ASAP1: variants seen among roughly 807,000 people sequenced by gnomAD.
ASAP1 encodes the protein arf-GAP with SH3 domain, ANK repeat and PH domain-containing protein 1.
A neutral mutation model predicts 145.2 loss-of-function variants in ASAP1; 43 were observed. That is an observed-to-expected ratio of 0.30 (90% CI 0.23 to 0.38). The LOEUF (loss-of-function observed/expected upper bound fraction) is 0.38. Ranked by LOEUF, ASAP1 falls within the 10% of genes least tolerant of loss-of-function variation. The probability of loss-of-function intolerance (pLI) is 1.00; values close to 1 mark genes in which losing one functional copy is unlikely to be tolerated. For synonymous variants in ASAP1, 546 were observed against 515.5 expected (o/e 1.06, Z -0.80); for missense variants, 1,018 against 1,355.3 (o/e 0.75, Z 3.91).
intron 4 of ASAP1, among the ~76,000 whole-genome samples, chr8:130,227,061 G>A (rs1172301522): frequency 1.3e-5 from 2 of 152,096 alleles, no homozygotes; most frequent in African/African-American, 2.4e-5. Flanking sequence ...CCTACAATGG[G>A]ATACAAAGGT....
intron 3 of ASAP1, among the ~76,000 whole-genome samples, chr8:130,306,297 C>T (rs901751881): frequency 3.9e-5 from 6 of 152,186 alleles, no homozygotes; most frequent in Non-Finnish European, 8.8e-5. Context: ...GTCATTCACT[C>T]ACTCAAATAT....
At chr8:130,199,348 G>T (rs1191549808) in intron 5 of ASAP1, among the ~76,000 whole-genome samples, 1 of 152,172 alleles carries the variant, frequency 6.6e-6, no homozygotes, top group Non-Finnish European at 1.5e-5. Flanking sequence ...AAATCAGAAG[G>T]ACTGCTCTGA....
At chr8:130,217,675 C>T (rs113375342) in intron 4 of ASAP1, among the ~76,000 whole-genome samples, 15 of 152,060 alleles carry the variant, frequency 9.9e-5, no homozygotes, top group African/African-American at 1.7e-4. Flanking sequence ...TTCAAAGCTG[C>T]GGCTTGGTTA....
intron 15 of ASAP1, among the ~76,000 whole-genome samples, chr8:130,132,391 C>T (rs2097584521): frequency 6.7e-6 from 1 of 149,458 alleles, no homozygotes; most frequent in Admixed American, 6.6e-5. Flanking sequence ...AACTCTATAC[C>T]CATAACAACA....
intron 7 of ASAP1, among the ~76,000 whole-genome samples, chr8:130,183,824 T>C (rs1449611098): frequency 6.6e-6 from 1 of 152,060 alleles, no homozygotes; most frequent in African/African-American, 2.4e-5. Flanking sequence ...TATGGAACTA[T>C]ACTAGTCAAG....
chr8:130,270,429 A>C (rs1447249922), intron 3 of ASAP1, among the ~76,000 whole-genome samples: 1 of 152,216 alleles, frequency 6.6e-6, no homozygotes, highest in Non-Finnish European at 1.5e-5. Flanking sequence ...GATCTCAAGG[A>C]ATCAGCTCTG....
intron 24 of ASAP1, among the ~76,000 whole-genome samples, chr8:130,107,469 G>C (rs888980884): frequency 2.0e-5 from 3 of 150,276 alleles, no homozygotes; most frequent in Non-Finnish European, 3.0e-5. Flanking sequence ...ACAGGTGTGA[G>C]CCACCATGCC....
chr8:130,324,039 C>T (rs868718222), intron 3 of ASAP1, among the ~76,000 whole-genome samples: 1 of 152,204 alleles, frequency 6.6e-6, no homozygotes, highest in African/African-American at 2.4e-5. Context: ...TATTGGGCCA[C>T]CCCTCTCCTT....
intron 2 of ASAP1, among the ~76,000 whole-genome samples, chr8:130,376,335 C>T (rs1380424283): frequency 6.6e-6 from 1 of 152,236 alleles, no homozygotes; most frequent in East Asian, 1.9e-4. Context: ...CTCAGGAATT[C>T]AGGCAAAGGC....
chr8:130,093,035 T>C (rs2097508926), intron 24 of ASAP1, among the ~76,000 whole-genome samples: 3 of 152,262 alleles, frequency 2.0e-5, no homozygotes, highest in South Asian at 4.1e-4. Context: ...AAAAACCCTT[T>C]GCTCTAGAAA....
chr8:130,097,364 A>G (rs976399765), intron 24 of ASAP1, among the ~76,000 whole-genome samples: 1 of 151,670 alleles, frequency 6.6e-6, no homozygotes, highest in Non-Finnish European at 1.5e-5. Context: ...TCTGTTCTTC[A>G]CCGTCCTCCC....
chr8:130,309,922 CA>C (rs1565195078), intron 3 of ASAP1, among the ~76,000 whole-genome samples: 1 of 152,104 alleles, frequency 6.6e-6, no homozygotes, highest in Admixed American at 6.6e-5. Flanking sequence ...AGTCTTTAGA[CA>C]TATTTTTATG....
intron 11 of ASAP1, among the ~76,000 whole-genome samples, chr8:130,160,552 T>C (rs1015669669): frequency 6.6e-6 from 1 of 152,224 alleles, no homozygotes; most frequent in African/African-American, 2.4e-5. Flanking sequence ...AGTGTTATGA[T>C]GTCGTGGAGG....
chr8:130,388,721 A>G (rs566491790), intron 2 of ASAP1, among the ~76,000 whole-genome samples: 9 of 152,340 alleles, frequency 5.9e-5, no homozygotes, highest in Non-Finnish European at 2.9e-5. Flanking sequence ...GGAGTGATCA[A>G]CTGGGTCAGA....
At chr8:130,204,692 T>C (rs1249182398) in intron 5 of ASAP1, among the ~76,000 whole-genome samples, 1 of 152,152 alleles carries the variant, frequency 6.6e-6, no homozygotes, top group Non-Finnish European at 1.5e-5. Context: ...TCTTCCCCTG[T>C]AGAGAAGGGG....
intron 5 of ASAP1, among the ~76,000 whole-genome samples, chr8:130,213,245 C>T (rs185729312): frequency 2.2e-3 from 331 of 152,202 alleles, no homozygotes; most frequent in African/African-American, 7.5e-3. Flanking sequence ...ATTCTATGTT[C>T]GATATTTATT....
chr8:130,065,441 T>C (rs1171497594), intron 27 of ASAP1, among the ~76,000 whole-genome samples: 1 of 152,164 alleles, frequency 6.6e-6, no homozygotes, highest in Non-Finnish European at 1.5e-5. Flanking sequence ...CCCCAGGGTA[T>C]AGGGTAGGAT....
intron 25 of ASAP1, 84 bp from the exon 26 acceptor site, chr8:130,080,055 C>T (rs536814056): frequency 2.4e-6 from 3 of 1,249,558 alleles, no homozygotes; most frequent in East Asian, 2.3e-5. Context: ...TGTAGACAGG[C>T]ATTGCTCAGG....
intron 13 of ASAP1, among the ~76,000 whole-genome samples, chr8:130,148,484 A>T (rs1360906715): frequency 6.6e-6 from 1 of 152,212 alleles, no homozygotes; most frequent in Non-Finnish European, 1.5e-5. Context: ...GAAGATAGTG[A>T]TGCCTATCCT....
Sources: gnomAD v4.1 joint callset for allele counts (sites outside exome capture counted in the v4.1 genomes callset) on GRCh38, gnomAD v4.1.1 for gene constraint, MANE v1.5 for transcripts, NCBI Gene and HGNC (gene_info 2026-07-23, HGNC 2026-07-21) for gene names.